S100A5: variants seen among roughly 807,000 people sequenced by gnomAD.
S100A5 encodes the protein protein S100-A5.
S100A5 carries 5 observed loss-of-function variants against 6.7 expected under a neutral mutation model. That is an observed-to-expected ratio of 0.75 (90% confidence interval 0.39 to 1.57). The LOEUF is 1.57. Among genes scored for constraint, S100A5 ranks in the 40% most tolerant of loss-of-function variants. The pLI is 0.03. For missense variants in S100A5, 129 were observed against 110.8 expected (o/e 1.16, Z -0.74); for synonymous variants, 49 against 44.9 (o/e 1.09, Z -0.37).
At chr1:153,538,604 C>T (rs916486533) in intron 2 of S100A5, among the ~76,000 whole-genome samples, 1 of 152,172 alleles carries the variant, frequency 6.6e-6, no homozygotes, top group Non-Finnish European at 1.5e-5. Context: ...GGCCTGGGGA[C>T]GCCCATACCT....
chr1:153,543,269 C>T (rs1665446788), upstream of S100A5: 2 of 985,372 alleles, frequency 2.0e-6, no homozygotes, highest in Non-Finnish European at 2.4e-6. Flanking sequence ...CATTCCAGAC[C>T]CCAACCAGGA....
Position 153,537,359 on chromosome 1 carries a change from G to A in S100A5, c.216C>T (p.Tyr72=). 2 of 1,614,174 alleles carry A rather than the reference G, an allele frequency of 1.2e-6. No individual in the cohort carries two copies. Among genetic ancestry groups the A allele is most frequent in the Admixed American group, 3.3e-5 (2 of 60,028 alleles). Residue 72 remains tyrosine (Y), a synonymous_variant, in exon 3 of 3, where the codon TAC becomes TAT. Transcript: ENST00000368717. The part of the protein sequence containing the change: ...NSDQEIDFKE[Y]SVFLTMLCMA... Reference sequence around the variant, plus strand: ...TGCACAGCATGGTCAGGAACACCGAGTACTCCTTGAAGTCGATCTCCTGGT... The same window carrying A: ...TGCACAGCATGGTCAGGAACACCGAATACTCCTTGAAGTCGATCTCCTGGT...
In S100A5 at chr1:153,540,690, G is replaced by A. The variant is rs1430642493; in HGVS notation, c.-84C>T. 6.1e-6 allele frequency: 1 copy of A among 164,854 alleles called. No homozygotes were observed. Among genetic ancestry groups the A allele is most frequent in the Admixed American group, 5.7e-5 (1 of 17,454 alleles). 10.2% of individuals were successfully genotyped at this position (164,854 alleles called of 1,614,324 possible). The stretch of plus-strand genomic sequence containing the variant: ...AAGAGAGAGTCCAGGGCTGAGAGGG[G>A]GCTGGGCTGGAACTGGGTGATGGGG... On this transcript the variant is annotated 5_prime_UTR_variant, in exon 1 of 3. Coordinates refer to ENST00000368717, the MANE Select transcript of S100A5 (RefSeq NM_001394232.1).
upstream of S100A5, chr1:153,543,504 C>T: frequency 1.1e-5 from 5 of 468,786 alleles, no homozygotes; most frequent in East Asian, 1.8e-4. Context: ...CCCCTAACTT[C>T]ACTGGTCTGC....
In S100A5 at chr1:153,540,143, G is replaced by A; in HGVS notation, c.49C>T (p.His17Tyr). 6.2e-7 allele frequency: 1 copy of A among 1,614,168 alleles called. No individual in the cohort carries two copies. The highest frequency in any genetic ancestry group is 8.5e-7 in the Non-Finnish European group (1 of 1,180,040). ...CTACCCTCTCTCCCCGAATATTTGTGAAACGTGGTCACCATAGTGGTCAGG... is the reference window on the plus strand; with the variant it reads ...CTACCCTCTCTCCCCGAATATTTGTAAAACGTGGTCACCATAGTGGTCAGG... Reference protein sequence around the residue: ...KALTTMVTTFHKYSGREGSKL... With the variant: ...KALTTMVTTFYKYSGREGSKL... The change falls in exon 2 of 3, where the codon CAC becomes TAC. Residue 17 changes from histidine (H) to tyrosine (Y), a missense_variant. By Grantham distance (83) the His-to-Tyr change is moderately conservative. Coordinates refer to ENST00000368717, the MANE Select transcript of S100A5 (RefSeq NM_001394232.1).
At chr1:153,539,888 G>A (rs117252048) in intron 2 of S100A5, among the ~76,000 whole-genome samples, 166 bp downstream of exon 2, 1 of 152,160 alleles carries the variant, frequency 6.6e-6, no homozygotes, top group East Asian at 1.9e-4. Flanking sequence ...TTCACAGAGG[G>A]CTAGAGTTTT....
chr1:153,540,477 A>G (rs1665351081), intron 1 of S100A5, 144 bp downstream of exon 1: 1 of 291,670 alleles, frequency 3.4e-6, no homozygotes, highest in African/African-American at 2.1e-5. Context: ...TGAGGCAGAA[A>G]GATGAGAAGA....
chr1:153,540,351 A>G, intron 1 of S100A5, 146 bp from the exon 2 acceptor site: 1 of 744,328 alleles, frequency 1.3e-6, no homozygotes, highest in East Asian at 2.7e-5. Context: ...CATCTATATC[A>G]GTACAGGTTA....
upstream of S100A5, chr1:153,543,641 T>C (rs1665455665): frequency 9.9e-7 from 1 of 1,009,140 alleles, no homozygotes; most frequent in East Asian, 2.4e-5. Flanking sequence ...AGAATCTTTA[T>C]TGAACTTGCT....
chr1:153,543,153 A>G (rs928607459), upstream of S100A5: 29 of 899,576 alleles, frequency 3.2e-5, no homozygotes, highest in Non-Finnish European at 3.9e-5. Flanking sequence ...CAACGTCAGC[A>G]CTGAGTGCCA....
upstream of S100A5, among the ~76,000 whole-genome samples, chr1:153,542,190 G>A (rs1390677161): frequency 2.6e-5 from 4 of 152,262 alleles, no homozygotes; most frequent in Admixed American, 6.5e-5. Flanking sequence ...CTCAGACATC[G>A]TTCTACCACA....
chr1:153,539,194 G>A (rs1280685007), intron 2 of S100A5, among the ~76,000 whole-genome samples: 11 of 151,744 alleles, frequency 7.2e-5, no homozygotes, highest in South Asian at 2.1e-4. Flanking sequence ...TTGGGAGTCC[G>A]AGGCAGATGG....
chr1:153,539,450 A>AAATAT (rs1553214691), intron 2 of S100A5, among the ~76,000 whole-genome samples: 6 of 31,194 alleles, frequency 1.9e-4, no homozygotes, highest in Non-Finnish European at 3.0e-4. Flanking sequence ...AAAAAAAAAA[A>AAATAT]ATATATATAT....
At chr1:153,543,420 C>T (rs1227718543), upstream of S100A5, among the ~76,000 whole-genome samples, 1 of 152,184 alleles carries the variant, frequency 6.6e-6, no homozygotes, top group East Asian at 1.9e-4. Flanking sequence ...GTGAGGGGTC[C>T]CCTTCTCGGC....
At chr1:153,539,469 A>ATTTATTTATTTATT (rs1553214724) in intron 2 of S100A5, among the ~76,000 whole-genome samples, 2 of 122,978 alleles carry the variant, frequency 1.6e-5, no homozygotes, top group African/African-American at 7.5e-5. Context: ...ATATATATAT[A>ATTTATTTATTTATT]TATATATTTA....
upstream of S100A5, chr1:153,541,547 G>A (rs1221590410): frequency 7.7e-7 from 1 of 1,292,692 alleles, no homozygotes; most frequent in Non-Finnish European, 1.0e-6. Flanking sequence ...GAGCCTCCCG[G>A]GATGGAGCTG....
At position 153,539,704 on chromosome 1, in the gene S100A5, T is replaced by G. The variant is rs537225219; in HGVS notation, c.138+350A>C. ...TCAGGCAGAGTCCCTACACTTGAGT[T>G]GTACACAGCTGGACCTGGACACCCT... On this transcript the variant is annotated intron_variant, in intron 2 of 2. Transcript: ENST00000368717. Among the ~76,000 whole-genome samples the G allele has an allele frequency of 1.1e-3, 170 of 151,918 alleles. 1 individual carries two copies. Among genetic ancestry groups the G allele is most frequent in the Middle Eastern group, 6.8e-3 (2 of 294 alleles).
intron 2 of S100A5, among the ~76,000 whole-genome samples, chr1:153,539,450 AATATATAT>A (rs1173862697): frequency 1.3e-3 from 40 of 31,200 alleles, no homozygotes; most frequent in Non-Finnish European, 1.7e-3. Context: ...AAAAAAAAAA[AATATATAT>A]ATATATATAT....
upstream of S100A5, chr1:153,541,496 G>A: frequency 7.3e-7 from 1 of 1,361,148 alleles, no homozygotes; most frequent in Non-Finnish European, 9.8e-7. Context: ...GAGAGAAAGG[G>A]CCCATGAGAA....
Sources: gnomAD v4.1 joint callset for allele counts (sites outside exome capture counted in the v4.1 genomes callset) on GRCh38, gnomAD v4.1.1 for gene constraint, MANE v1.5 for transcripts, NCBI Gene and HGNC (gene_info 2026-07-23, HGNC 2026-07-21) for gene names.